Variants in CACNA2D1 observed in about 807,000 individuals in gnomAD.
The protein encoded by CACNA2D1 is voltage-dependent calcium channel subunit alpha-2/delta-1.
Under a neutral mutation model 171.5 loss-of-function variants are expected in CACNA2D1, and 53 were observed. The observed-to-expected ratio is 0.31, with a 90% CI of 0.25 to 0.39. The LOEUF (loss-of-function observed/expected upper bound fraction) is 0.39. CACNA2D1 is among the 10% of genes least tolerant of loss of function. The pLI, the probability that CACNA2D1 is intolerant of heterozygous loss-of-function variation, is 1.00. For synonymous variants in CACNA2D1, 442 were observed against 443.1 expected, an observed-to-expected ratio of 1.00 and a Z score of 0.03; for missense variants, 903 against 1,299.8, an observed-to-expected ratio of 0.69 and a Z score of 4.69.
intron 9 of CACNA2D1, among the ~76,000 whole-genome samples, chr7:82,062,603 T>A (rs1562986668): frequency 6.6e-6 from 1 of 151,986 alleles, no homozygotes; most frequent in Non-Finnish European, 1.5e-5. Context: ...TATGTCTTTT[T>A]TTTTTTTTAA....
intron 1 of CACNA2D1, among the ~76,000 whole-genome samples, chr7:82,357,780 G>A (rs902374909): frequency 6.6e-6 from 1 of 151,340 alleles, no homozygotes; most frequent in Non-Finnish European, 1.5e-5. Context: ...GTTAATGGGT[G>A]CAGCACACCA....
chr7:82,377,919 A>T (rs1823205652), intron 1 of CACNA2D1, among the ~76,000 whole-genome samples: 1 of 152,090 alleles, frequency 6.6e-6, no homozygotes, highest in Admixed American at 6.6e-5. Context: ...TTATCTTCTC[A>T]CTTGGGAGTT....
At chr7:82,332,594 G>C (rs1786751244) in intron 3 of CACNA2D1, among the ~76,000 whole-genome samples, 1 of 142,080 alleles carries the variant, frequency 7.0e-6, no homozygotes, top group South Asian at 2.4e-4. Context: ...TGAGGGTCAA[G>C]ATATTTATAA....
rs1160831960 is a variant in CACNA2D1 at position 82,084,696 on chromosome 7, G to A, written c.658+73C>T. ...TAGTCATATTTTTCTTACAGTATCA[G>A]GGAAGATAACAGAGTATTCTCCAGA... On this transcript the variant is annotated intron_variant, in intron 7 of 38. Coordinates refer to ENST00000356860, the MANE Select transcript of CACNA2D1 (RefSeq NM_000722.4). 5 of 1,500,824 alleles carry A rather than the reference G, an allele frequency of 3.3e-6. No individual in the cohort carries two copies. The South Asian group carries it at 3.4e-5, about 10-fold the overall frequency. The allele number at this position is 1,500,824 out of a possible 1,614,324, so 93.0% of individuals were successfully genotyped here.
Position 81,982,631 on chromosome 7 carries a change from C to G in CACNA2D1, c.1895-4G>C. 2 of 1,572,788 alleles carry G rather than the reference C, an allele frequency of 1.3e-6. No individual in the cohort carries two copies. The highest frequency in any genetic ancestry group is 1.7e-6 in the Non-Finnish European group (2 of 1,143,000). The stretch of plus-strand genomic sequence containing the variant: ...TCTGGCTTCAGGGTTTCCGAATCTG[C>G]AAAGATAATGTTACAGGATTAGATA... On this transcript the variant is annotated splice_polypyrimidine_tract_variant and splice_region_variant and intron_variant, in intron 23 of 38. Transcript: ENST00000356860.
chr7:82,259,472 A>G (rs985152256), intron 3 of CACNA2D1, among the ~76,000 whole-genome samples: 1 of 152,210 alleles, frequency 6.6e-6, no homozygotes, highest in African/African-American at 2.4e-5. Flanking sequence ...TAAAGCTTTC[A>G]TGTGAATCTC....
chr7:82,027,254 T>A (rs1250337991), intron 12 of CACNA2D1, among the ~76,000 whole-genome samples: 1 of 151,760 alleles, frequency 6.6e-6, no homozygotes, highest in Non-Finnish European at 1.5e-5. Flanking sequence ...CAATTTTCCA[T>A]GATGTAATGT....
At chr7:82,194,858 T>C (rs572980154) in intron 3 of CACNA2D1, among the ~76,000 whole-genome samples, 5 of 151,770 alleles carry the variant, frequency 3.3e-5, no homozygotes, top group Non-Finnish European at 7.4e-5. Context: ...TAATGAAAGG[T>C]AAGCAGTATT....
chr7:82,237,524 T>A (rs1024037746), intron 3 of CACNA2D1, among the ~76,000 whole-genome samples: 4 of 152,034 alleles, frequency 2.6e-5, no homozygotes, highest in Admixed American at 2.6e-4. Context: ...CTTATTCGTT[T>A]AAGTACTTCT....
chr7:82,091,046 T>G (rs991443853), intron 6 of CACNA2D1, among the ~76,000 whole-genome samples: 4 of 152,076 alleles, frequency 2.6e-5, no homozygotes, highest in East Asian at 3.9e-4. Context: ...AAGATGTTAA[T>G]AAGAAGAAAC....
At chr7:82,281,701 T>C (rs990710354) in intron 3 of CACNA2D1, among the ~76,000 whole-genome samples, 1 of 152,200 alleles carries the variant, frequency 6.6e-6, no homozygotes, top group African/African-American at 2.4e-5. Context: ...GCTATTTTTA[T>C]AGAATTTGTA....
chr7:82,336,891 T>G (rs909403266), intron 2 of CACNA2D1, among the ~76,000 whole-genome samples: 2 of 152,180 alleles, frequency 1.3e-5, no homozygotes, highest in African/African-American at 4.8e-5. Context: ...CTCTATGCAG[T>G]CTAACCTCCT....
chr7:81,993,543 G>A (rs933222830), intron 20 of CACNA2D1, among the ~76,000 whole-genome samples: 2 of 152,134 alleles, frequency 1.3e-5, no homozygotes, highest in Non-Finnish European at 2.9e-5. Context: ...AGACCATATA[G>A]ATAGAGCTTT....
At chr7:82,191,921 C>T (rs1798335045) in intron 3 of CACNA2D1, among the ~76,000 whole-genome samples, 1 of 151,718 alleles carries the variant, frequency 6.6e-6, no homozygotes, top group South Asian at 2.1e-4. Context: ...CTTAGAAATA[C>T]AAAGAATGAT....
intron 3 of CACNA2D1, among the ~76,000 whole-genome samples, chr7:82,176,280 A>G (rs1057070020): frequency 6.6e-6 from 1 of 152,050 alleles, no homozygotes; most frequent in African/African-American, 2.4e-5. Flanking sequence ...ATAATATTCC[A>G]TCTCAAAGGT....
chr7:82,361,559 A>G (rs533370966), intron 1 of CACNA2D1, among the ~76,000 whole-genome samples: 4 of 152,262 alleles, frequency 2.6e-5, no homozygotes, highest in Middle Eastern at 3.4e-3. Flanking sequence ...AAAATTATAT[A>G]ATTGCGATCT....
chr7:82,016,682 G>A (rs1008276644), intron 12 of CACNA2D1, among the ~76,000 whole-genome samples: 5 of 142,220 alleles, frequency 3.5e-5, no homozygotes, highest in Admixed American at 8.0e-5. Flanking sequence ...ACTTCTACGT[G>A]TTTGCTTACA....
At chr7:82,324,116 G>C (rs755959276) in intron 3 of CACNA2D1, among the ~76,000 whole-genome samples, 3 of 152,106 alleles carry the variant, frequency 2.0e-5, no homozygotes, top group Non-Finnish European at 4.4e-5. Flanking sequence ...CCGCACTTTG[G>C]GAGGCTGAGG....
At position 81,964,287 on chromosome 7, in the gene CACNA2D1, T is replaced by G; in HGVS notation, c.2647A>C (p.Asn883His). 5 of 1,612,438 alleles carry G rather than the reference T, an allele frequency of 3.1e-6. No homozygotes were observed. Among genetic ancestry groups the G allele is most frequent in the Non-Finnish European group, 4.2e-6 (5 of 1,178,936 alleles). ...HLVNISVYAF[N>H]KSYDYQSVCE... Reference sequence around the variant, plus strand: ...ACTGACTGATAATCATAAGATTTGTTAAAAGCATAAACTGATATATTAACC... The same window carrying G: ...ACTGACTGATAATCATAAGATTTGTGAAAAGCATAAACTGATATATTAACC... Residue 883 changes from asparagine to histidine, a missense_variant, in exon 33 of 39, where the codon AAC becomes CAC. This residue lies in a region of CACNA2D1 where 623 missense variants were observed against 925.5 expected (regional missense o/e 0.67). Transcript: ENST00000356860.
Sources: gnomAD v4.1 joint callset for allele counts (sites outside exome capture counted in the v4.1 genomes callset) on GRCh38, gnomAD v4.1.1 for gene constraint, gnomAD v4.1.1 regional missense constraint, MANE v1.5 for transcripts, NCBI Gene and HGNC (gene_info 2026-07-23, HGNC 2026-07-21) for gene names.